The following C3orf70 variants were observed in gnomAD, a reference collection of about 807,000 sequenced individuals.
The protein encoded by C3orf70 is UPF0524 protein C3orf70.
In C3orf70, 15 loss-of-function variants were observed where a neutral mutation model predicts 20.7. The observed-to-expected ratio is 0.72, with a 90% CI of 0.48 to 1.11. The LOEUF is 1.11. Among genes scored for constraint, C3orf70 ranks in the 50% most tolerant of loss-of-function variants. The pLI is 0.00. For synonymous variants in C3orf70, 161 were observed against 125.7 expected (o/e 1.28, Z -1.88); for missense variants, 332 against 317.6 (o/e 1.05, Z -0.34).
chr3:185,102,398 A>T (rs1158781689), intron 1 of C3orf70, among the ~76,000 whole-genome samples: 3 of 152,228 alleles, frequency 2.0e-5, no homozygotes, highest in Non-Finnish European at 4.4e-5. Flanking sequence ...TACTGCTCAA[A>T]GAAATCAGAG....
intron 1 of C3orf70, among the ~76,000 whole-genome samples, chr3:185,135,716 T>C (rs759921256): frequency 1.6e-4 from 25 of 151,808 alleles, no homozygotes; most frequent in Non-Finnish European, 3.2e-4. Flanking sequence ...CCTAACTTGA[T>C]CACACAGTCT....
chr3:185,097,516 T>C (rs1050882607), intron 1 of C3orf70, among the ~76,000 whole-genome samples: 4 of 152,228 alleles, frequency 2.6e-5, no homozygotes, highest in Admixed American at 6.5e-5. Context: ...AGAACAAGCT[T>C]AGGAAAAGAA....
intron 1 of C3orf70, among the ~76,000 whole-genome samples, chr3:185,129,501 ATG>A (rs1458326963): frequency 7.9e-5 from 12 of 152,146 alleles, no homozygotes; most frequent in African/African-American, 2.9e-4. Context: ...GGTTGATTCT[ATG>A]TCTTTGCTAT....
At chr3:185,124,226 G>A (rs932037007) in intron 1 of C3orf70, among the ~76,000 whole-genome samples, 1 of 152,102 alleles carries the variant, frequency 6.6e-6, no homozygotes, top group Non-Finnish European at 1.5e-5. Context: ...TCCACGGGGG[G>A]ATCCTGAAAT....
At chr3:185,147,122 C>A (rs1716893135) in intron 1 of C3orf70, among the ~76,000 whole-genome samples, 1 of 152,196 alleles carries the variant, frequency 6.6e-6, no homozygotes, top group Non-Finnish European at 1.5e-5. Flanking sequence ...TTTGCTGTGA[C>A]AGTCTTTCTT....
chr3:185,085,318 A>G (rs1163201438), intron 1 of C3orf70, among the ~76,000 whole-genome samples: 1 of 152,168 alleles, frequency 6.6e-6, no homozygotes, highest in Admixed American at 6.5e-5. Flanking sequence ...GAAATGAAGT[A>G]GTAAAGAGGC....
chr3:185,105,840 G>T (rs1327229347), intron 1 of C3orf70, among the ~76,000 whole-genome samples: 1 of 152,210 alleles, frequency 6.6e-6, no homozygotes, highest in Non-Finnish European at 1.5e-5. Flanking sequence ...GTAAGAAGGG[G>T]AGCTTGGAAG....
At chr3:185,091,535 C>T (rs1715569441) in intron 1 of C3orf70, among the ~76,000 whole-genome samples, 1 of 151,934 alleles carries the variant, frequency 6.6e-6, no homozygotes, top group African/African-American at 2.4e-5. Flanking sequence ...GAGGCTGCTA[C>T]AGATTTTTAA....
chr3:185,132,356 T>C lies in C3orf70; in HGVS notation c.196+20272A>G, dbSNP rs190124669. Among the ~76,000 whole-genome samples the C allele has an allele frequency of 7.8e-4, 119 of 151,730 alleles. 1 individual carries two copies. The highest frequency in any genetic ancestry group is 2.4e-3 in the African/African-American group (99 of 41,376). On this transcript the variant is annotated intron_variant, in intron 1 of 1. Transcript: ENST00000335012. ...AGATATGAGTAAAAACAAGTAACTA[T>C]TAAAAATGAGGAAGTCTTTTTCAAA...
intron 1 of C3orf70, among the ~76,000 whole-genome samples, chr3:185,105,934 A>G (rs971759782): frequency 2.0e-5 from 3 of 152,196 alleles, no homozygotes; most frequent in Admixed American, 2.0e-4. Context: ...GAGGAAGGAG[A>G]GTATAGCAAA....
intron 1 of C3orf70, among the ~76,000 whole-genome samples, chr3:185,120,486 A>T (rs1472742869): frequency 6.6e-6 from 1 of 152,202 alleles, no homozygotes; most frequent in Non-Finnish European, 1.5e-5. Context: ...ACACCCAACA[A>T]AGGACTAATA....
rs560692117 is a variant in C3orf70 at position 185,101,110 on chromosome 3, A to G, written c.197-17547T>C. Among the ~76,000 whole-genome samples, 11 of 152,318 alleles carry G rather than the reference A, an allele frequency of 7.2e-5. No individual in the cohort carries two copies. In the South Asian group the frequency reaches 2.3e-3, roughly 32 times the overall value. ...GGCAAATTCTATCAGATATATAAAG[A>G]TGAGCTGGTACCATTCCTACTGAAA... On this transcript the variant is annotated intron_variant, in intron 1 of 1. Transcript: ENST00000335012.
At chr3:185,088,400 C>T (rs1715500610) in intron 1 of C3orf70, among the ~76,000 whole-genome samples, 1 of 152,190 alleles carries the variant, frequency 6.6e-6, no homozygotes, top group African/African-American at 2.4e-5. Context: ...TGTATCTTGC[C>T]TGTATTCATG....
intron 1 of C3orf70, among the ~76,000 whole-genome samples, chr3:185,107,451 CA>C (rs1221106121): frequency 2.6e-5 from 4 of 152,088 alleles, no homozygotes; most frequent in Non-Finnish European, 4.4e-5. Flanking sequence ...AAAAAATTTG[CA>C]AGGTTTGAAA....
At chr3:185,136,390 C>A (rs936102626) in intron 1 of C3orf70, among the ~76,000 whole-genome samples, 9 of 151,872 alleles carry the variant, frequency 5.9e-5, no homozygotes, top group East Asian at 1.9e-4. Flanking sequence ...GAGTTGGAGA[C>A]CAGCCTGGCC....
chr3:185,111,791 A>C lies in C3orf70; in HGVS notation c.197-28228T>G, dbSNP rs372865177. On this transcript the variant is annotated intron_variant, in intron 1 of 1. Coordinates refer to ENST00000335012, the MANE Select transcript of C3orf70 (RefSeq NM_001025266.3). Reference sequence around the variant, plus strand: ...ATATGTAGACATCAACACAGAGAGTAAAGGAAACAGAATCAGGCAATGATG... The same window carrying C: ...ATATGTAGACATCAACACAGAGAGTCAAGGAAACAGAATCAGGCAATGATG... Among the ~76,000 whole-genome samples, 77 of 152,326 alleles carry C rather than the reference A, an allele frequency of 5.1e-4. No individual in the cohort carries two copies. The East Asian group carries it at 6.7e-3, about 13-fold the overall frequency.
In C3orf70 at chr3:185,077,791, G is replaced by GGC. The variant is rs1715229320; in HGVS notation, c.*5215_*5216insGC. On this transcript the variant is annotated 3_prime_UTR_variant, in exon 2 of 2. Coordinates refer to ENST00000335012, the MANE Select transcript of C3orf70 (RefSeq NM_001025266.3). Reference sequence around the variant, plus strand: ...AAATAAATGCTATTTGGTGGTGGTGGGGGGGGGGTATCAAGTTTTATTTGC... The same window carrying GGC: ...AAATAAATGCTATTTGGTGGTGGTGGGCGGGGGGGGTATCAAGTTTTATTTGC... Among the ~76,000 whole-genome samples, 2 of 147,074 alleles carry GGC rather than the reference G, an allele frequency of 1.4e-5. No individual in the cohort carries two copies. The highest frequency in any genetic ancestry group is 5.1e-4 in the South Asian group (2 of 3,938).
chr3:185,118,377 G>A (rs558960436), intron 1 of C3orf70, among the ~76,000 whole-genome samples: 3 of 152,124 alleles, frequency 2.0e-5, no homozygotes, highest in Admixed American at 6.5e-5. Flanking sequence ...ATTTTTATAC[G>A]GCATATATAC....
At chr3:185,104,638 T>C (rs1038399913) in intron 1 of C3orf70, among the ~76,000 whole-genome samples, 2 of 151,922 alleles carry the variant, frequency 1.3e-5, no homozygotes, top group Non-Finnish European at 2.9e-5. Context: ...TGGAAAACTA[T>C]GCAGCCATAA....
Sources: allele counts gnomAD v4.1 joint callset (sites outside exome capture counted in the v4.1 genomes callset), GRCh38; gene constraint gnomAD v4.1.1; transcripts MANE v1.5; gene names NCBI Gene and HGNC (gene_info 2026-07-23, HGNC 2026-07-21).